Variants in CUBN observed in about 807,000 individuals in gnomAD.
CUBN encodes the protein 460 kDa receptor.
CUBN carries 282 observed loss-of-function variants against 405.3 expected under a neutral mutation model. The ratio of observed to expected loss-of-function variants is 0.70; its 90% CI spans 0.63 to 0.77. The LOEUF (loss-of-function observed/expected upper bound fraction) is 0.77, where lower values mean the gene tolerates loss of function less well. Among genes scored for constraint, CUBN ranks in the 30% least tolerant of loss-of-function variants. CUBN has a pLI of 0.00. For missense variants in CUBN, 4,514 were observed against 4,475.2 expected (o/e 1.01, Z -0.25); for synonymous variants, 1,684 against 1,617.0 (o/e 1.04, Z -0.99).
At chr10:16,876,101 A>G (rs1377280940) in intron 57 of CUBN, among the ~76,000 whole-genome samples, 1 of 152,228 alleles carries the variant, frequency 6.6e-6, no homozygotes, top group Non-Finnish European at 1.5e-5. Flanking sequence ...GATGGGAACA[A>G]TAATTTATTC....
At chr10:16,981,479 C>A (rs1833271304) in intron 31 of CUBN, among the ~76,000 whole-genome samples, 1 of 152,144 alleles carries the variant, frequency 6.6e-6, no homozygotes, top group Admixed American at 6.5e-5. Flanking sequence ...GTCACCCTGA[C>A]CCTCCACTGA....
chr10:17,006,709 C>T (rs11254327), intron 28 of CUBN, among the ~76,000 whole-genome samples: 60,897 of 152,014 alleles, frequency 0.4, 12,505 homozygotes, highest in East Asian at 0.59. Context: ...CACAGGTAGT[C>T]AAGAAGGCAC....
chr10:17,085,463 G>T, intron 16 of CUBN, 134 bp downstream of exon 16: 1 of 931,400 alleles, frequency 1.1e-6, no homozygotes, highest in Non-Finnish European at 1.7e-6. Context: ...AGCTATGAGA[G>T]AAATATTTAT....
rs764945110 is a variant in CUBN at position 16,906,293 on chromosome 10, G to C, written c.7822C>G (p.Gln2608Glu). ...NCEWTLSNPNQGNSSISIHFE... is the reference protein window; with the variant it reads ...NCEWTLSNPNEGNSSISIHFE... ...TGAATGGAAATGGATGAATTTCCCT[G>C]ATTTGGATTGCTGAGAGTCCATTCG... The change falls in exon 50 of 67, where the codon CAG (glutamine) becomes GAG (glutamate). Residue 2608 changes from glutamine to glutamate, a missense_variant. By Grantham distance (29) the Gln-to-Glu change is conservative. This residue lies in a region of CUBN where 1,613 missense variants were observed against 1,542.8 expected (regional missense o/e 1.05). Transcript: ENST00000377833. 1.2e-6 allele frequency: 2 copies of C among 1,613,466 alleles called. No homozygotes were observed. Among genetic ancestry groups the C allele is most frequent in the East Asian group, 2.2e-5 (1 of 44,892 alleles).
Position 17,084,166 on chromosome 10 carries a change from T to G in CUBN, c.2301+105A>C, listed in dbSNP as rs1293690043. ...ATTGTATTTCTAACAAGCTCTCAGG[T>G]ATTCTGGCTGCTGGTGGCCCAACAA... On this transcript the variant is annotated intron_variant, in intron 17 of 66. Transcript: ENST00000377833. 31 of 1,087,972 alleles carry G rather than the reference T, an allele frequency of 2.8e-5. No individual in the cohort carries two copies. In the South Asian group the frequency reaches 3.8e-4, roughly 13 times the overall value. 67.4% of individuals were successfully genotyped at this position (1,087,972 alleles called of 1,614,324 possible).
chr10:17,124,597 T>C (rs1398169386), intron 4 of CUBN, among the ~76,000 whole-genome samples: 13 of 151,124 alleles, frequency 8.6e-5, no homozygotes, highest in Non-Finnish European at 1.9e-4. Flanking sequence ...CCCAGCTAAT[T>C]TTTTGTATTT....
chr10:16,974,463 G>A (rs565406326), intron 31 of CUBN, among the ~76,000 whole-genome samples: 3 of 150,842 alleles, frequency 2.0e-5, no homozygotes, highest in African/African-American at 7.3e-5. Flanking sequence ...TCACTCTGTC[G>A]CCCAGGCTGG....
At chr10:17,050,671 C>T (rs975060770) in intron 22 of CUBN, among the ~76,000 whole-genome samples, 1 of 152,086 alleles carries the variant, frequency 6.6e-6, no homozygotes, top group South Asian at 2.1e-4. Context: ...AATGGGGATA[C>T]CTCCTTAACA....
At chr10:16,903,689 A>G (rs961528363) in intron 51 of CUBN, among the ~76,000 whole-genome samples, 8 of 147,918 alleles carry the variant, frequency 5.4e-5, no homozygotes, top group Admixed American at 1.4e-4. Context: ...TTAAATAATT[A>G]TTGGATAATT....
intron 28 of CUBN, among the ~76,000 whole-genome samples, chr10:17,000,604 C>A (rs80008789): frequency 6.6e-6 from 1 of 152,172 alleles, no homozygotes; most frequent in African/African-American, 2.4e-5. Context: ...AAGCTCTGAC[C>A]TTCTTTGCAT....
At chr10:17,065,268 C>T (rs1312411255) in intron 22 of CUBN, among the ~76,000 whole-genome samples, 3 of 151,856 alleles carry the variant, frequency 2.0e-5, no homozygotes, top group South Asian at 2.1e-4. Flanking sequence ...GAAGAAAAAA[C>T]GTTCTTTTAA....
At chr10:16,906,095 G>GAGAGCA (rs1841545946) in intron 50 of CUBN, 108 bp downstream of exon 50, 2 of 911,080 alleles carry the variant, frequency 2.2e-6, no homozygotes, top group Admixed American at 3.9e-5. Flanking sequence ...GTCCGGGCAA[G>GAGAGCA]AGAGCAAGCT....
chr10:17,054,033 C>T (rs532151943), intron 22 of CUBN, among the ~76,000 whole-genome samples: 3 of 151,950 alleles, frequency 2.0e-5, no homozygotes, highest in Admixed American at 2.0e-4. Flanking sequence ...GAAAATAAAA[C>T]ATTAAAATTT....
At chr10:16,974,792 C>A (rs1833043721) in intron 31 of CUBN, among the ~76,000 whole-genome samples, 1 of 152,126 alleles carries the variant, frequency 6.6e-6, no homozygotes, top group African/African-American at 2.4e-5. Context: ...TCCTCCCCAA[C>A]CCACTCAATG....
intron 28 of CUBN, among the ~76,000 whole-genome samples, chr10:17,000,880 T>C (rs191968972): frequency 1.3e-5 from 2 of 152,322 alleles, no homozygotes; most frequent in East Asian, 1.9e-4. Context: ...TGAGATTGTG[T>C]TCGGAATTGG....
chr10:16,946,636 C>T (rs935834219), intron 36 of CUBN, among the ~76,000 whole-genome samples: 1 of 151,898 alleles, frequency 6.6e-6, no homozygotes, highest in Non-Finnish European at 1.5e-5. Flanking sequence ...GCTGGGATTA[C>T]AGGTGCCCGC....
At position 16,991,834 on chromosome 10, in the gene CUBN, A is replaced by G. The variant is rs548816638; in HGVS notation, c.4169-1319T>C. 2.2e-4 allele frequency among the ~76,000 whole-genome samples: 34 copies of G among 152,212 alleles called. 5 individuals are homozygous for G. The highest frequency in any genetic ancestry group is 2.6e-4 in the Admixed American group (4 of 15,288). The stretch of plus-strand genomic sequence containing the variant: ...CAACCATTGTGGAAGTCAGTGTGGC[A>G]ATTCCTCAGGGATCTAGAACTACAA... On this transcript the variant is annotated intron_variant, in intron 28 of 66. Coordinates refer to ENST00000377833, the MANE Select transcript of CUBN (RefSeq NM_001081.4).
Position 17,104,544 on chromosome 10 carries a change from TC to T in CUBN, c.1291del (p.Glu431LysfsTer7). The T allele has an allele frequency of 6.2e-7, 1 of 1,613,886 alleles. No individual in the cohort carries two copies. Among genetic ancestry groups the T allele is most frequent in the Non-Finnish European group, 8.5e-7 (1 of 1,179,994 alleles). ...GTTGCTCAAACACTCATTGATGTTT[TC>T]TGTACAGTTGACACCTGTCCAACCT... ...DSGWTGVNCT[E>X]NINECLSNPC... On this transcript the variant is annotated frameshift_variant, in exon 12 of 67. Coordinates refer to ENST00000377833, the MANE Select transcript of CUBN (RefSeq NM_001081.4). LOFTEE classifies it high-confidence loss of function.
intron 59 of CUBN, among the ~76,000 whole-genome samples, chr10:16,866,735 G>A (rs1023072113): frequency 3.9e-5 from 6 of 152,154 alleles, no homozygotes; most frequent in Non-Finnish European, 7.4e-5. Context: ...GAGCACAGGG[G>A]GGAGACAAGC....
Sources: allele counts gnomAD v4.1 joint callset (sites outside exome capture counted in the v4.1 genomes callset), GRCh38; gene constraint gnomAD v4.1.1; regional missense constraint gnomAD v4.1.1; transcripts MANE v1.5; gene names NCBI Gene and HGNC (gene_info 2026-07-23, HGNC 2026-07-21).